WWOX: variants seen among roughly 807,000 people sequenced by gnomAD.
The protein encoded by WWOX is WW domain containing oxidoreductase, also known as WW domain-containing oxidoreductase.
Under a neutral mutation model 46.2 loss-of-function variants are expected in WWOX, and 69 were observed. The ratio of observed to expected loss-of-function variants is 1.49; its 90% CI spans 1.23 to 1.82. The LOEUF is 1.82. Among genes scored for constraint, WWOX ranks in the 40% most tolerant of loss-of-function variants. The pLI is 0.00. For missense variants in WWOX, 919 were observed against 542.6 expected (o/e 1.69, Z -6.89); for synonymous variants, 359 against 202.6 (o/e 1.77, Z -6.56).
At chr16:79,162,210 T>C (rs776064053) in intron 8 of WWOX, among the ~76,000 whole-genome samples, 7 of 152,224 alleles carry the variant, frequency 4.6e-5, no homozygotes, top group Non-Finnish European at 1.0e-4. Flanking sequence ...GTTGATGAGA[T>C]GCTGGTATGT....
intron 8 of WWOX, among the ~76,000 whole-genome samples, chr16:78,693,426 C>G (rs1017314486): frequency 5.3e-5 from 8 of 152,128 alleles, no homozygotes; most frequent in Admixed American, 2.0e-4. Flanking sequence ...TGTCAGCCAC[C>G]CTATATGCCT....
intron 8 of WWOX, among the ~76,000 whole-genome samples, chr16:79,030,765 G>A (rs1019754740): frequency 6.6e-6 from 1 of 152,094 alleles, no homozygotes; most frequent in African/African-American, 2.4e-5. Context: ...CCAACTAGGT[G>A]TAAATGCAGA....
intron 8 of WWOX, among the ~76,000 whole-genome samples, chr16:78,639,428 G>T: frequency 6.6e-6 from 1 of 152,170 alleles, no homozygotes; most frequent in East Asian, 1.9e-4. Flanking sequence ...AAATGGAAGT[G>T]CACAGAAGGA....
intron 5 of WWOX, among the ~76,000 whole-genome samples, chr16:78,356,550 T>C (rs2081295954): frequency 6.6e-6 from 1 of 152,022 alleles, no homozygotes; most frequent in Admixed American, 6.6e-5. Flanking sequence ...TGCAGGGCAG[T>C]GGGACAGAGA....
intron 8 of WWOX, among the ~76,000 whole-genome samples, chr16:78,935,841 G>T (rs910061718): frequency 2.0e-5 from 3 of 152,076 alleles, no homozygotes; most frequent in Non-Finnish European, 4.4e-5. Flanking sequence ...CAGCTCAGGT[G>T]GTAGAGGCTG....
At chr16:78,693,144 A>G (rs929253174) in intron 8 of WWOX, among the ~76,000 whole-genome samples, 11 of 152,168 alleles carry the variant, frequency 7.2e-5, no homozygotes, top group Non-Finnish European at 1.0e-4. Flanking sequence ...GTTGCAGACA[A>G]TGTATATTTA....
intron 8 of WWOX, among the ~76,000 whole-genome samples, chr16:78,603,210 A>C (rs2045665100): frequency 6.6e-6 from 1 of 152,274 alleles, no homozygotes; most frequent in Middle Eastern, 3.4e-3. Context: ...GAGAAGTGCC[A>C]ATATCATTTT....
At chr16:78,354,514 C>T (rs61648351) in intron 5 of WWOX, among the ~76,000 whole-genome samples, 1 of 152,042 alleles carries the variant, frequency 6.6e-6, no homozygotes, top group Non-Finnish European at 1.5e-5. Flanking sequence ...CTGGCAATTA[C>T]AACTGGAAAA....
chr16:78,561,592 G>C (rs144610400), intron 8 of WWOX, among the ~76,000 whole-genome samples: 1 of 149,048 alleles, frequency 6.7e-6, no homozygotes, highest in South Asian at 2.1e-4. Flanking sequence ...ATTTTTTTTT[G>C]AATAACAGAA....
intron 8 of WWOX, among the ~76,000 whole-genome samples, chr16:78,692,135 C>T (rs7359361): frequency 0.25 from 38,260 of 151,946 alleles, 7,044 homozygotes; most frequent in African/African-American, 0.52. Context: ...TTATCAGCAG[C>T]GTGAAAACGG....
intron 8 of WWOX, among the ~76,000 whole-genome samples, chr16:78,936,911 A>G (rs1226710494): frequency 6.6e-6 from 1 of 152,218 alleles, no homozygotes; most frequent in East Asian, 1.9e-4. Flanking sequence ...AGCCAAGAGA[A>G]GCAAGGAGTT....
chr16:78,417,040 G>GGTGGGGGTGTGTGTGT (rs1555535316), intron 6 of WWOX, among the ~76,000 whole-genome samples: 2 of 151,382 alleles, frequency 1.3e-5, no homozygotes, highest in African/African-American at 4.9e-5. Flanking sequence ...ACCCTTTGGG[G>GGTGGGGGTGTGTGTGT]GTGTGTGTGT....
chr16:78,835,699 A>C (rs1482824645), intron 8 of WWOX, among the ~76,000 whole-genome samples: 1 of 152,238 alleles, frequency 6.6e-6, no homozygotes, highest in African/African-American at 2.4e-5. Flanking sequence ...ACCCTGTGCT[A>C]ATCTGACCTC....
At chr16:79,033,712 CTCA>C (rs1483941373) in intron 8 of WWOX, among the ~76,000 whole-genome samples, 2 of 152,196 alleles carry the variant, frequency 1.3e-5, no homozygotes, top group Non-Finnish European at 2.9e-5. Context: ...ACACTGGCTC[CTCA>C]TCACCTCCCC....
At chr16:78,388,928 C>T (rs867513453) in intron 6 of WWOX, among the ~76,000 whole-genome samples, 1 of 149,528 alleles carries the variant, frequency 6.7e-6, no homozygotes, top group South Asian at 2.1e-4. Context: ...GAGACTGAAC[C>T]AGTGCACTCC....
intron 8 of WWOX, among the ~76,000 whole-genome samples, chr16:78,723,335 A>G (rs1034830956): frequency 2.0e-5 from 3 of 152,172 alleles, no homozygotes; most frequent in African/African-American, 7.2e-5. Context: ...AGTGTCTGTC[A>G]ACGTGGCTTT....
rs376044966 is a variant in WWOX, at chr16:78,461,333, A to G, written c.1056+28581A>G. Among the ~76,000 whole-genome samples the G allele has an allele frequency of 8.5e-5, 13 of 152,226 alleles. 1 individual carries two copies. The highest frequency in any genetic ancestry group is 2.2e-4 in the African/African-American group (9 of 41,536). ...GCACTGTCCGTTTTCCAAATGAGGA[A>G]CTCATCGGTAAGGCCAGAAAGGAAA... On this transcript the variant is annotated intron_variant, in intron 8 of 8. Transcript: ENST00000566780.
At chr16:78,107,378 G>A (rs2032214197) in intron 1 of WWOX, among the ~76,000 whole-genome samples, 1 of 152,184 alleles carries the variant, frequency 6.6e-6, no homozygotes, top group Non-Finnish European at 1.5e-5. Context: ...GGACTAGTTT[G>A]TGTAACTGAT....
At chr16:78,956,595 T>G (rs781751758) in intron 8 of WWOX, among the ~76,000 whole-genome samples, 1 of 150,838 alleles carries the variant, frequency 6.6e-6, no homozygotes, top group Non-Finnish European at 1.5e-5. Context: ...ATACATCATA[T>G]ATTGTATCAT....
Sources: gnomAD v4.1 joint callset for allele counts (sites outside exome capture counted in the v4.1 genomes callset) on GRCh38, gnomAD v4.1.1 for gene constraint, MANE v1.5 for transcripts, NCBI Gene and HGNC (gene_info 2026-07-23, HGNC 2026-07-21) for gene names.